The following ZDHHC14 variants were observed in gnomAD, a reference collection of about 807,000 sequenced individuals.
The protein encoded by ZDHHC14 is zDHHC palmitoyltransferase 14.
Under a neutral mutation model 47.7 loss-of-function variants are expected in ZDHHC14, and 16 were observed. The ratio of observed to expected loss-of-function variants is 0.34; its 90% CI spans 0.23 to 0.51. The LOEUF (loss-of-function observed/expected upper bound fraction) is 0.51. Ranked by LOEUF, ZDHHC14 falls within the 20% of genes least tolerant of loss-of-function variation. The pLI, the probability that ZDHHC14 is intolerant of heterozygous loss-of-function variation, is 0.97. For synonymous variants in ZDHHC14, 293 were observed against 278.9 expected (o/e 1.05, Z -0.50); for missense variants, 515 against 662.5 (o/e 0.78, Z 2.44).
rs1783641814 is a variant in ZDHHC14, at chr6:157,585,108, G to A, written c.407-7880G>A. On this transcript the variant is annotated intron_variant, in intron 2 of 8. Coordinates refer to ENST00000359775, the MANE Select transcript of ZDHHC14 (RefSeq NM_024630.3). ...TGTAGTCCCAGCTTCTCGGGAGGCTGAGGCAGGAGAATTGCTTGAACCCAG... is the reference window on the plus strand; with the variant it reads ...TGTAGTCCCAGCTTCTCGGGAGGCTAAGGCAGGAGAATTGCTTGAACCCAG... 2.6e-5 allele frequency among the ~76,000 whole-genome samples: 4 copies of A among 152,144 alleles called. 1 individual carries two copies. In the South Asian group the frequency reaches 8.3e-4, roughly 32 times the overall value.
At chr6:157,505,649 G>A (rs1780306755) in intron 1 of ZDHHC14, among the ~76,000 whole-genome samples, 1 of 152,202 alleles carries the variant, frequency 6.6e-6, no homozygotes, top group Non-Finnish European at 1.5e-5. Flanking sequence ...ATGATTAAAG[G>A]CTGTACCATG....
intron 1 of ZDHHC14, among the ~76,000 whole-genome samples, chr6:157,429,326 C>A (rs1450080359): frequency 6.6e-6 from 1 of 152,074 alleles, no homozygotes; most frequent in African/African-American, 2.4e-5. Flanking sequence ...CTTTGATAAG[C>A]ATTGGTATTG....
intron 2 of ZDHHC14, among the ~76,000 whole-genome samples, chr6:157,560,976 G>A (rs1782684689): frequency 6.6e-6 from 1 of 152,220 alleles, no homozygotes; most frequent in Non-Finnish European, 1.5e-5. Context: ...GAACAAGACT[G>A]TAATGAGTTG....
chr6:157,501,224 T>C (rs1269393655), intron 1 of ZDHHC14, among the ~76,000 whole-genome samples: 2 of 152,246 alleles, frequency 1.3e-5, no homozygotes, highest in Non-Finnish European at 2.9e-5. Flanking sequence ...CATTATTTTT[T>C]CCTTCCTTCC....
chr6:157,656,809 G>A (rs1243155045), intron 8 of ZDHHC14, among the ~76,000 whole-genome samples: 4 of 151,956 alleles, frequency 2.6e-5, no homozygotes, highest in Non-Finnish European at 4.4e-5. Context: ...AGAGCTGCAT[G>A]CGACATCACC....
chr6:157,398,795 C>T (rs1048615998), intron 1 of ZDHHC14, among the ~76,000 whole-genome samples: 5 of 152,162 alleles, frequency 3.3e-5, no homozygotes, highest in Admixed American at 2.0e-4. Context: ...GGAATTCTGT[C>T]GTTATAATGA....
At chr6:157,627,719 C>T (rs780319068) in intron 3 of ZDHHC14, among the ~76,000 whole-genome samples, 14 of 152,178 alleles carry the variant, frequency 9.2e-5, no homozygotes, top group South Asian at 2.1e-4. Flanking sequence ...TGAATGGCCC[C>T]GTGCAGGCAG....
chr6:157,535,309 G>T (rs1382977696), intron 1 of ZDHHC14, among the ~76,000 whole-genome samples: 1 of 152,214 alleles, frequency 6.6e-6, no homozygotes, highest in Non-Finnish European at 1.5e-5. Flanking sequence ...CTAGCCAGAA[G>T]TCCTGTAGGG....
chr6:157,645,145 A>G lies in ZDHHC14; in HGVS notation c.753-592A>G, dbSNP rs1583065527. Among the ~76,000 whole-genome samples the G allele has an allele frequency of 2.6e-5, 4 of 151,860 alleles. No individual in the cohort carries two copies. The South Asian group carries it at 8.3e-4, about 32-fold the overall frequency. On this transcript the variant is annotated intron_variant, in intron 5 of 8. Transcript: ENST00000359775. ...CCCTGACGTCACTCCGAGAAATCCC[A>G]CCGCCGGTTCAGGGGCTTATTTTTC...
intron 5 of ZDHHC14, among the ~76,000 whole-genome samples, chr6:157,635,062 C>T (rs914556420): frequency 3.9e-5 from 6 of 152,122 alleles, no homozygotes; most frequent in Middle Eastern, 3.4e-3. Flanking sequence ...GGCACGATCT[C>T]GGCTCACTGC....
At chr6:157,445,149 T>C (rs892954457) in intron 1 of ZDHHC14, among the ~76,000 whole-genome samples, 72 of 111,414 alleles carry the variant, frequency 6.5e-4, no homozygotes, top group Middle Eastern at 4.8e-3. Context: ...CACACACTCT[T>C]CATATCTATC....
At chr6:157,457,512 G>A (rs1286214864) in intron 1 of ZDHHC14, among the ~76,000 whole-genome samples, 1 of 152,186 alleles carries the variant, frequency 6.6e-6, no homozygotes, top group Admixed American at 6.5e-5. Context: ...TTGTCAGCAA[G>A]TAGGAGTACA....
chr6:157,584,354 C>G (rs962291699), intron 2 of ZDHHC14, among the ~76,000 whole-genome samples: 4 of 152,196 alleles, frequency 2.6e-5, no homozygotes, highest in Non-Finnish European at 5.9e-5. Context: ...GTTCCTTCCC[C>G]AGCCCAAGGG....
chr6:157,647,818 T>C (rs752737986), intron 7 of ZDHHC14, among the ~76,000 whole-genome samples: 2 of 152,232 alleles, frequency 1.3e-5, no homozygotes, highest in African/African-American at 2.4e-5. Context: ...CCGCAGTCGT[T>C]GATACTGTGG....
intron 1 of ZDHHC14, among the ~76,000 whole-genome samples, chr6:157,515,881 G>A (rs1780676615): frequency 6.6e-6 from 1 of 152,138 alleles, no homozygotes; most frequent in Non-Finnish European, 1.5e-5. Flanking sequence ...CATTTGTATA[G>A]ATGTGTAGTA....
intron 2 of ZDHHC14, among the ~76,000 whole-genome samples, chr6:157,574,744 C>G (rs1365298716): frequency 6.6e-6 from 1 of 152,264 alleles, no homozygotes; most frequent in African/African-American, 2.4e-5. Context: ...GGCCACCACC[C>G]TATTTCAAGC....
At position 157,474,012 on chromosome 6, in the gene ZDHHC14, G is replaced by A. The variant is rs144268043; in HGVS notation, c.246-68573G>A. Among the ~76,000 whole-genome samples, 113 of 145,294 alleles carry A rather than the reference G, an allele frequency of 7.8e-4. 1 individual carries two copies. The East Asian group carries it at 0.014, about 19-fold the overall frequency. ...TCTTTTTTTTTTTTTTTTTTGAGAC[G>A]GAGTCTCGCTCTATCGCCCAAGCTG... On this transcript the variant is annotated intron_variant, in intron 1 of 8. Transcript: ENST00000359775.
At chr6:157,584,873 C>A (rs1783631409) in intron 2 of ZDHHC14, among the ~76,000 whole-genome samples, 1 of 152,154 alleles carries the variant, frequency 6.6e-6, no homozygotes, top group South Asian at 2.1e-4. Flanking sequence ...ATTTTACATA[C>A]TCTTTCAAAA....
intron 1 of ZDHHC14, among the ~76,000 whole-genome samples, chr6:157,532,410 G>A (rs1225682335): frequency 6.6e-6 from 1 of 152,146 alleles, no homozygotes; most frequent in African/African-American, 2.4e-5. Flanking sequence ...AATTTGTATA[G>A]CATTTGATTC....
Sources: allele counts gnomAD v4.1 joint callset (sites outside exome capture counted in the v4.1 genomes callset), GRCh38; gene constraint gnomAD v4.1.1; transcripts MANE v1.5; gene names NCBI Gene and HGNC (gene_info 2026-07-23, HGNC 2026-07-21).